TRAPPC9: variants seen among roughly 807,000 people sequenced by gnomAD.
The protein encoded by TRAPPC9 is trafficking protein particle complex subunit 9, also known as IKK2 binding protein.
In TRAPPC9, 83 loss-of-function variants were observed where a neutral mutation model predicts 124.0. The observed-to-expected ratio is 0.67, with a 90% CI of 0.56 to 0.80. The LOEUF (loss-of-function observed/expected upper bound fraction) is 0.80. Ranked by LOEUF, TRAPPC9 falls within the 30% of genes least tolerant of loss-of-function variation. The pLI is 0.00. For synonymous variants in TRAPPC9, 638 were observed against 617.5 expected, an observed-to-expected ratio of 1.03 and a Z score of -0.49; for missense variants, 1,302 against 1,508.3, an observed-to-expected ratio of 0.86 and a Z score of 2.27.
intron 18 of TRAPPC9, among the ~76,000 whole-genome samples, chr8:139,998,092 A>AAAC (rs1385618134): frequency 2.0e-5 from 3 of 152,282 alleles, no homozygotes; most frequent in Non-Finnish European, 4.4e-5. Flanking sequence ...AGGGGAAACA[A>AAAC]AACAACAAAT....
chr8:140,087,220 T>G lies in TRAPPC9; in HGVS notation c.2557-63141A>C, dbSNP rs572427295. Among the ~76,000 whole-genome samples the G allele has an allele frequency of 6.6e-6, 1 of 152,304 alleles. No homozygotes were observed. The highest frequency in any genetic ancestry group is 1.9e-4 in the East Asian group (1 of 5,176). On this transcript the variant is annotated intron_variant, in intron 17 of 22. Coordinates refer to ENST00000438773, the MANE Select transcript of TRAPPC9 (RefSeq NM_001160372.4). The surrounding 1 kb of genome is among the most constrained non-coding windows in gnomAD (Gnocchi z 4.6). ...TTGAGCTGCCTGCTTTTCTTCCCAG[T>G]CCCTGGCTCTTCCTCCTCTGTCTCC...
At chr8:140,005,531 C>G (rs553931669) in intron 18 of TRAPPC9, among the ~76,000 whole-genome samples, 21 of 152,238 alleles carry the variant, frequency 1.4e-4, no homozygotes, top group African/African-American at 4.3e-4. Context: ...AGAGGGCTCT[C>G]TAGTCACTGT....
chr8:139,988,873 A>AT (rs1837441424), intron 18 of TRAPPC9, 37 bp from the exon 19 acceptor site: 5 of 1,362,468 alleles, frequency 3.7e-6, no homozygotes, highest in Admixed American at 2.0e-5. Context: ...GAATCCTCTG[A>AT]CAGCCAAAGA....
chr8:140,150,874 A>C (rs936852236), intron 17 of TRAPPC9, among the ~76,000 whole-genome samples: 3 of 152,180 alleles, frequency 2.0e-5, no homozygotes, highest in Non-Finnish European at 4.4e-5. Context: ...AGTGACTTCA[A>C]ATAAGGACAA....
At chr8:140,033,847 A>C (rs915879895) in intron 17 of TRAPPC9, among the ~76,000 whole-genome samples, 1 of 151,714 alleles carries the variant, frequency 6.6e-6, no homozygotes, top group Non-Finnish European at 1.5e-5. Flanking sequence ...ATACCTTGTT[A>C]ATTTTTGTGT....
intron 21 of TRAPPC9, among the ~76,000 whole-genome samples, chr8:139,765,816 C>T (rs1280386966): frequency 2.0e-5 from 3 of 152,152 alleles, no homozygotes; most frequent in Admixed American, 2.0e-4. Context: ...CCCAGGAGAG[C>T]TCTTTCCCAC....
intron 19 of TRAPPC9, among the ~76,000 whole-genome samples, chr8:139,982,057 G>A (rs370163691): frequency 6.6e-6 from 1 of 152,170 alleles, no homozygotes; most frequent in African/African-American, 2.4e-5. Flanking sequence ...CATACATGAG[G>A]GTTGTCATGA....
chr8:140,395,949 C>G (rs938195952), intron 7 of TRAPPC9, among the ~76,000 whole-genome samples: 3 of 152,086 alleles, frequency 2.0e-5, no homozygotes, highest in African/African-American at 7.2e-5. Flanking sequence ...GCCGCTGACC[C>G]TTTCCACGTA....
intron 21 of TRAPPC9, among the ~76,000 whole-genome samples, chr8:139,822,268 G>A (rs945591382): frequency 2.6e-5 from 4 of 152,136 alleles, no homozygotes; most frequent in Non-Finnish European, 5.9e-5. Context: ...CCTGGAAGAC[G>A]GCATGACCCA....
intron 17 of TRAPPC9, among the ~76,000 whole-genome samples, chr8:140,128,204 A>G (rs2061133275): frequency 6.6e-6 from 1 of 152,264 alleles, no homozygotes; most frequent in Non-Finnish European, 1.5e-5. Context: ...AGATCACCAT[A>G]GAACAGTTCC....
intron 21 of TRAPPC9, among the ~76,000 whole-genome samples, chr8:139,736,807 G>A (rs536932532): frequency 1.2e-4 from 18 of 152,300 alleles, no homozygotes; most frequent in Non-Finnish European, 1.8e-4. Context: ...TTGCCAATTC[G>A]CTTCTCTGAC....
intron 20 of TRAPPC9, among the ~76,000 whole-genome samples, chr8:139,909,295 C>T (rs1319343870): frequency 1.3e-5 from 2 of 152,180 alleles, no homozygotes; most frequent in African/African-American, 4.8e-5. Context: ...CCTTTGTCCC[C>T]TTAATAAACT....
At chr8:140,346,813 T>C (rs1484550287) in intron 9 of TRAPPC9, among the ~76,000 whole-genome samples, 1 of 152,208 alleles carries the variant, frequency 6.6e-6, no homozygotes, top group Non-Finnish European at 1.5e-5. Flanking sequence ...AAATGAATGA[T>C]TTTTCTTGAT....
intron 20 of TRAPPC9, among the ~76,000 whole-genome samples, chr8:139,895,740 G>A (rs557908174): frequency 6.6e-6 from 1 of 152,316 alleles, no homozygotes; most frequent in South Asian, 2.1e-4. Flanking sequence ...ATACACTTGG[G>A]CTCAAAACAC....
intron 19 of TRAPPC9, among the ~76,000 whole-genome samples, chr8:139,953,655 A>G (rs1380662215): frequency 6.6e-6 from 1 of 152,240 alleles, no homozygotes; most frequent in Admixed American, 6.5e-5. Flanking sequence ...CAAATCATAA[A>G]TCTGATTAAC....
intron 21 of TRAPPC9, among the ~76,000 whole-genome samples, chr8:139,851,267 C>A (rs186788234): frequency 6.6e-6 from 1 of 152,156 alleles, no homozygotes; most frequent in Non-Finnish European, 1.5e-5. Context: ...TGAACTTGAC[C>A]GGATTCAAAC....
intron 17 of TRAPPC9, among the ~76,000 whole-genome samples, chr8:140,116,530 C>T (rs1267852515): frequency 1.3e-5 from 2 of 152,256 alleles, no homozygotes; most frequent in Middle Eastern, 3.4e-3. Flanking sequence ...ATTTGTTTGG[C>T]ATTGCCGTTA....
chr8:140,451,243 A>T lies in TRAPPC9; in HGVS notation c.131T>A (p.Ile44Asn). Reference sequence around the variant, plus strand: ...GACTCGCTGGGAGTCCCGCACGCTGATCTGACTCACAGAGCAAATCCTCTT... The same window carrying T: ...GACTCGCTGGGAGTCCCGCACGCTGTTCTGACTCACAGAGCAAATCCTCTT... ...IYKRICSVSQ[I>N]SVRDSQRVLY... The change falls in exon 2 of 23, where the codon ATC (isoleucine) becomes AAC (asparagine). Residue 44 changes from isoleucine to asparagine, a missense_variant. Ile to Asn is a moderately radical substitution (Grantham distance 149). Coordinates refer to ENST00000438773, the MANE Select transcript of TRAPPC9 (RefSeq NM_001160372.4). 1.9e-6 allele frequency: 3 copies of T among 1,613,842 alleles called. No homozygotes were observed. The highest frequency in any genetic ancestry group is 2.2e-5 in the South Asian group (2 of 91,086).
At chr8:139,853,212 C>A (rs1264728971) in intron 21 of TRAPPC9, among the ~76,000 whole-genome samples, 1 of 152,176 alleles carries the variant, frequency 6.6e-6, no homozygotes, top group African/African-American at 2.4e-5. Flanking sequence ...TCCTGTAGCA[C>A]ATGGCGGTGG....
Sources: gnomAD v4.1 joint callset for allele counts (sites outside exome capture counted in the v4.1 genomes callset) on GRCh38, gnomAD v4.1.1 for gene constraint, Gnocchi (gnomAD v3.1) non-coding constraint, MANE v1.5 for transcripts, NCBI Gene and HGNC (gene_info 2026-07-23, HGNC 2026-07-21) for gene names.